GALNTL6: variants seen among roughly 807,000 people sequenced by gnomAD.
The protein encoded by GALNTL6 is polypeptide N-acetylgalactosaminyltransferase-like 6.
Under a neutral mutation model 73.7 loss-of-function variants are expected in GALNTL6, and 46 were observed. The observed-to-expected ratio is 0.62, with a 90% confidence interval of 0.49 to 0.80. The LOEUF is 0.80. GALNTL6 is among the 30% of genes least tolerant of loss of function. The pLI, the probability that GALNTL6 is intolerant of heterozygous loss-of-function variation, is 0.00. For synonymous variants in GALNTL6, 259 were observed against 263.7 expected (o/e 0.98, Z 0.17); for missense variants, 604 against 755.0 (o/e 0.80, Z 2.34).
At chr4:172,881,987 A>AT (rs1420091064) in intron 7 of GALNTL6, among the ~76,000 whole-genome samples, 1 of 151,590 alleles carries the variant, frequency 6.6e-6, no homozygotes, top group African/African-American at 2.4e-5. Flanking sequence ...TTAGGTATAG[A>AT]TTTTTATCCT....
chr4:172,230,966 T>C (rs917172775), intron 3 of GALNTL6, among the ~76,000 whole-genome samples: 1 of 152,178 alleles, frequency 6.6e-6, no homozygotes, highest in Non-Finnish European at 1.5e-5. Flanking sequence ...TACAGTCTTT[T>C]TTATTTTCTT....
intron 2 of GALNTL6, among the ~76,000 whole-genome samples, chr4:172,124,981 G>C (rs962985416): frequency 6.6e-6 from 1 of 152,010 alleles, no homozygotes; most frequent in Non-Finnish European, 1.5e-5. Flanking sequence ...AGGCCTTCAA[G>C]AAAGAACATT....
At chr4:172,751,566 A>G (rs1737424519) in intron 5 of GALNTL6, among the ~76,000 whole-genome samples, 1 of 152,234 alleles carries the variant, frequency 6.6e-6, no homozygotes, top group South Asian at 2.1e-4. Context: ...AAGGCAGTGA[A>G]AATTTCAGGA....
At chr4:171,816,119 A>T (rs1207617711) in intron 2 of GALNTL6, 5 of 152,072 alleles carry the variant, frequency 3.3e-5, no homozygotes, top group African/African-American at 1.2e-4. Context: ...GTAAAACAGG[A>T]TTTTAATAAC....
intron 2 of GALNTL6, among the ~76,000 whole-genome samples, chr4:172,036,496 T>C (rs201766198): frequency 6.6e-6 from 1 of 152,180 alleles, no homozygotes; most frequent in East Asian, 1.9e-4. Flanking sequence ...ACCAATAGCA[T>C]AATACCATTA....
intron 2 of GALNTL6, among the ~76,000 whole-genome samples, chr4:172,029,336 G>T (rs560659426): frequency 6.6e-6 from 1 of 151,880 alleles, no homozygotes; most frequent in Non-Finnish European, 1.5e-5. Context: ...ATGTTAAAAC[G>T]TTAATTTTTA....
intron 7 of GALNTL6, among the ~76,000 whole-genome samples, chr4:172,824,693 G>A (rs1672303381): frequency 1.3e-5 from 2 of 152,082 alleles, no homozygotes; most frequent in Admixed American, 6.6e-5. Context: ...AGGATCACTC[G>A]TGGAGGTAGG....
intron 2 of GALNTL6, among the ~76,000 whole-genome samples, chr4:171,890,583 T>G (rs984969548): frequency 3.9e-5 from 6 of 152,172 alleles, no homozygotes; most frequent in Admixed American, 3.9e-4. Flanking sequence ...ATGGCAATAT[T>G]AAAATAAATT....
intron 5 of GALNTL6, among the ~76,000 whole-genome samples, chr4:172,753,603 A>G (rs1737559030): frequency 6.6e-6 from 1 of 152,180 alleles, no homozygotes; most frequent in Non-Finnish European, 1.5e-5. Flanking sequence ...TAAAGTTGCA[A>G]CACAATTTGA....
chr4:172,103,042 T>G (rs2110963905), intron 2 of GALNTL6, among the ~76,000 whole-genome samples: 1 of 152,264 alleles, frequency 6.6e-6, no homozygotes, highest in East Asian at 1.9e-4. Flanking sequence ...GAATAAAGGT[T>G]CATGGGCTAG....
At chr4:172,122,698 G>A (rs1733185622) in intron 2 of GALNTL6, among the ~76,000 whole-genome samples, 1 of 152,148 alleles carries the variant, frequency 6.6e-6, no homozygotes, top group African/African-American at 2.4e-5. Context: ...GTCCCTTCTG[G>A]GTCAGAAGAG....
chr4:172,504,179 A>AAAAAAAAAAAAAAAT (rs60168973), intron 5 of GALNTL6, among the ~76,000 whole-genome samples: 2 of 44,440 alleles, frequency 4.5e-5, no homozygotes, highest in Non-Finnish European at 9.9e-5. Context: ...AAAAAAAAAA[A>AAAAAAAAAAAAAAAT]CTCACACCTT....
chr4:172,391,776 C>T (rs1743672243), intron 5 of GALNTL6, among the ~76,000 whole-genome samples: 1 of 152,040 alleles, frequency 6.6e-6, no homozygotes, highest in Non-Finnish European at 1.5e-5. Context: ...TTTGTTTTGC[C>T]AAACACATAG....
At position 172,833,929 on chromosome 4, in the gene GALNTL6, A is replaced by G. The variant is rs1332898207; in HGVS notation, c.923+20206A>G. Among the ~76,000 whole-genome samples the G allele has an allele frequency of 2.6e-5, 4 of 152,312 alleles. No individual in the cohort carries two copies. The East Asian group carries it at 5.8e-4, about 22-fold the overall frequency. ...CAGGAGTTCAAGACCAGCCTGGCCA[A>G]CATGGTAAAACCCCGTCTCTACTAA... On this transcript the variant is annotated intron_variant, in intron 7 of 12. Transcript: ENST00000506823.
intron 5 of GALNTL6, among the ~76,000 whole-genome samples, chr4:172,490,495 C>T (rs1366934260): frequency 1.3e-5 from 2 of 152,104 alleles, no homozygotes; most frequent in African/African-American, 2.4e-5. Context: ...CTTCATATTA[C>T]ATATTAGTTT....
chr4:171,878,460 T>C (rs1736340823), intron 2 of GALNTL6, among the ~76,000 whole-genome samples: 1 of 152,328 alleles, frequency 6.6e-6, no homozygotes, highest in Non-Finnish European at 1.5e-5. Context: ...CTTTTTTTCA[T>C]CTATTATTAT....
intron 11 of GALNTL6, among the ~76,000 whole-genome samples, chr4:173,014,600 TC>T (rs1212655951): frequency 1.3e-5 from 2 of 151,632 alleles, no homozygotes; most frequent in African/African-American, 4.9e-5. Flanking sequence ...GAAAAAAGAG[TC>T]TCATTATCAA....
At chr4:172,663,051 A>G (rs1432673961) in intron 5 of GALNTL6, among the ~76,000 whole-genome samples, 1 of 152,184 alleles carries the variant, frequency 6.6e-6, no homozygotes, top group Admixed American at 6.5e-5. Flanking sequence ...TGAGAAAGTA[A>G]TGGAAGCACA....
intron 3 of GALNTL6, among the ~76,000 whole-genome samples, chr4:172,246,674 C>A (rs1165615850): frequency 6.6e-6 from 1 of 151,778 alleles, no homozygotes. Flanking sequence ...ACTTTCTTTA[C>A]ATACTGCTTT....
Sources: allele counts gnomAD v4.1 joint callset (sites outside exome capture counted in the v4.1 genomes callset), GRCh38; gene constraint gnomAD v4.1.1; transcripts MANE v1.5; gene names NCBI Gene and HGNC (gene_info 2026-07-23, HGNC 2026-07-21).